Variants in DCLK1 observed in about 807,000 individuals in gnomAD.
DCLK1 encodes the protein serine/threonine-protein kinase DCLK1.
In DCLK1, 16 loss-of-function variants were observed where a neutral mutation model predicts 86.2. That is an observed-to-expected ratio of 0.19 (90% CI 0.13 to 0.28). The LOEUF (loss-of-function observed/expected upper bound fraction) is 0.28, where lower values mean the gene tolerates loss of function less well. Among genes scored for constraint, DCLK1 ranks in the 10% least tolerant of loss-of-function variants. The pLI is 1.00. For synonymous variants in DCLK1, 369 were observed against 370.5 expected, an observed-to-expected ratio of 1.00 and a Z score of 0.05; for missense variants, 590 against 940.2, an observed-to-expected ratio of 0.63 and a Z score of 4.87.
chr13:35,906,423 G>A lies in DCLK1; in HGVS notation c.824-35083C>T, dbSNP rs1284472257. Among the ~76,000 whole-genome samples, 7 of 151,662 alleles carry A rather than the reference G, an allele frequency of 4.6e-5. No individual in the cohort carries two copies. In the East Asian group the frequency reaches 1.4e-3, roughly 29 times the overall value. ...ACAATTAATAAGAAATAAATTTAAA[G>A]AGCTATGAGATTTCTGAGGAGAGAA... On this transcript the variant is annotated intron_variant, in intron 4 of 16. Transcript: ENST00000360631.
chr13:36,117,384 A>G (rs1188591042), intron 2 of DCLK1, among the ~76,000 whole-genome samples: 3 of 152,174 alleles, frequency 2.0e-5, no homozygotes, highest in African/African-American at 7.2e-5. Context: ...TTTAAGATGT[A>G]CTCTTGTACC....
intron 5 of DCLK1, among the ~76,000 whole-genome samples, chr13:35,869,298 T>C (rs991936895): frequency 2.0e-5 from 3 of 152,218 alleles, no homozygotes; most frequent in Admixed American, 6.5e-5. Context: ...GGGAGAGACT[T>C]TCCCTGACAT....
chr13:36,123,665 C>T lies in DCLK1; in HGVS notation c.376+2097G>A, dbSNP rs1886067779. ...GAGCAGATCATTTAACCACACTGTA[C>T]CTTCCTTTTCTCACCTTAATATAAG... On this transcript the variant is annotated intron_variant, in intron 2 of 16. Transcript: ENST00000360631. 1.3e-5 allele frequency among the ~76,000 whole-genome samples: 2 copies of T among 152,208 alleles called. 1 individual carries two copies. Among genetic ancestry groups the T allele is most frequent in the Admixed American group, 1.3e-4 (2 of 15,286 alleles).
chr13:36,075,295 C>T (rs1433746039), intron 3 of DCLK1, among the ~76,000 whole-genome samples: 1 of 152,200 alleles, frequency 6.6e-6, no homozygotes, highest in Non-Finnish European at 1.5e-5. Context: ...TTGCCAGGCT[C>T]TTTTCCATTA....
intron 16 of DCLK1, among the ~76,000 whole-genome samples, chr13:35,778,244 C>T (rs1044605283): frequency 1.9e-4 from 29 of 152,310 alleles, no homozygotes; most frequent in African/African-American, 6.7e-4. Context: ...TTTACAGCTC[C>T]TCATAAAGCC....
chr13:36,128,383 G>A (rs1221701474), intron 1 of DCLK1, among the ~76,000 whole-genome samples: 1 of 152,142 alleles, frequency 6.6e-6, no homozygotes, highest in Non-Finnish European at 1.5e-5. Context: ...CAGATTTACT[G>A]TAACTCCAAA....
intron 3 of DCLK1, among the ~76,000 whole-genome samples, chr13:36,095,616 G>A (rs949721060): frequency 1.3e-5 from 2 of 152,162 alleles, no homozygotes; most frequent in African/African-American, 4.8e-5. Flanking sequence ...CACCGGATAA[G>A]TAAATATCAT....
intron 11 of DCLK1, among the ~76,000 whole-genome samples, chr13:35,814,946 T>C (rs2087235698): frequency 6.6e-6 from 1 of 152,288 alleles, no homozygotes; most frequent in South Asian, 2.1e-4. Context: ...TTCTCTAGGG[T>C]TTATTATATG....
At chr13:35,992,197 A>G (rs752846622) in intron 3 of DCLK1, among the ~76,000 whole-genome samples, 2 of 152,170 alleles carry the variant, frequency 1.3e-5, no homozygotes, top group Non-Finnish European at 2.9e-5. Context: ...TAACAGGTTG[A>G]CAGACGTTCA....
At chr13:35,848,940 A>G (rs1870405466) in intron 6 of DCLK1, 2 of 985,386 alleles carry the variant, frequency 2.0e-6, no homozygotes, top group Non-Finnish European at 2.4e-6. Flanking sequence ...TGATCTCAGC[A>G]GGAGTCTCTG....
At chr13:36,020,749 T>G (rs989333617) in intron 3 of DCLK1, among the ~76,000 whole-genome samples, 7 of 151,642 alleles carry the variant, frequency 4.6e-5, no homozygotes, top group Non-Finnish European at 1.0e-4. Flanking sequence ...AAAAAAACTA[T>G]CAACTAAATA....
intron 5 of DCLK1, among the ~76,000 whole-genome samples, chr13:35,855,055 T>C (rs1266666233): frequency 6.6e-6 from 1 of 152,204 alleles, no homozygotes; most frequent in South Asian, 2.1e-4. Flanking sequence ...AACTCACTTC[T>C]AGAAAAATGT....
chr13:36,105,658 T>A (rs1190522907), intron 3 of DCLK1, among the ~76,000 whole-genome samples: 1 of 152,184 alleles, frequency 6.6e-6, no homozygotes, highest in Non-Finnish European at 1.5e-5. Context: ...ATAAGCAAAT[T>A]TCCTCATTAT....
At chr13:35,903,772 C>T (rs949172599) in intron 4 of DCLK1, among the ~76,000 whole-genome samples, 9 of 152,226 alleles carry the variant, frequency 5.9e-5, no homozygotes, top group Middle Eastern at 6.8e-3. Flanking sequence ...CAACAAACTA[C>T]TAAAAACCAC....
chr13:35,961,774 T>C (rs890442543), intron 3 of DCLK1, among the ~76,000 whole-genome samples: 7 of 152,190 alleles, frequency 4.6e-5, no homozygotes, highest in Admixed American at 6.5e-5. Context: ...AAAAAAGGCA[T>C]AGTTATTCAA....
chr13:36,073,147 T>C (rs1360253468), intron 3 of DCLK1, among the ~76,000 whole-genome samples: 1 of 152,222 alleles, frequency 6.6e-6, no homozygotes, highest in Non-Finnish European at 1.5e-5. Context: ...CAATGATTTT[T>C]AGTAAATACA....
chr13:35,917,434 G>C (rs1000607195), intron 4 of DCLK1, among the ~76,000 whole-genome samples: 2 of 151,870 alleles, frequency 1.3e-5, no homozygotes, highest in Non-Finnish European at 2.9e-5. Context: ...GTGATGCTTC[G>C]GGGGTTGCCA....
At chr13:36,083,111 G>T (rs1356898639) in intron 3 of DCLK1, among the ~76,000 whole-genome samples, 2 of 152,154 alleles carry the variant, frequency 1.3e-5, no homozygotes, top group African/African-American at 4.8e-5. Context: ...AAAGTCCTTA[G>T]GGAATGGAGG....
chr13:36,034,316 A>G (rs1298214862), intron 3 of DCLK1, among the ~76,000 whole-genome samples: 1 of 152,238 alleles, frequency 6.6e-6, no homozygotes, highest in Non-Finnish European at 1.5e-5. Flanking sequence ...TAAAGTTATT[A>G]TCAATTAAAA....
Sources: allele counts gnomAD v4.1 joint callset (sites outside exome capture counted in the v4.1 genomes callset), GRCh38; gene constraint gnomAD v4.1.1; transcripts MANE v1.5; gene names NCBI Gene and HGNC (gene_info 2026-07-23, HGNC 2026-07-21).